The following PAK6 variants were observed in gnomAD, a reference collection of about 807,000 sequenced individuals.
PAK6 encodes the protein p21 (RAC1) activated kinase 6.
PAK6 carries 33 observed loss-of-function variants against 60.8 expected under a neutral mutation model. That is an observed-to-expected ratio of 0.54 (90% CI 0.41 to 0.73). The LOEUF (loss-of-function observed/expected upper bound fraction) is 0.73. PAK6 is among the 30% of genes least tolerant of loss of function. The pLI is 0.00. For synonymous variants in PAK6, 404 were observed against 378.5 expected (o/e 1.07, Z -0.78); for missense variants, 845 against 904.1 (o/e 0.93, Z 0.84).
At chr15:40,252,448 G>A (rs1015338196) in intron 2 of PAK6, 17 of 1,360,136 alleles carry the variant, frequency 1.2e-5, no homozygotes, top group Non-Finnish European at 1.6e-5. Flanking sequence ...GGCGCCCCTC[G>A]GGCAGAGGGG....
exon 6 of PAK6, chr15:40,272,436 C>G: frequency 6.2e-7 from 1 of 1,613,684 alleles, no homozygotes; most frequent in Non-Finnish European, 8.5e-7. Flanking sequence ...CCTGGCACGC[C>G]CAGATCAGCA....
chr15:40,271,809 G>T (rs1173760007), intron 5 of PAK6, among the ~76,000 whole-genome samples: 2 of 152,216 alleles, frequency 1.3e-5, no homozygotes, highest in Non-Finnish European at 2.9e-5. Context: ...GGGAGCCTTG[G>T]GAGTGAAGAA....
At chr15:40,265,673 G>A (rs1024718983) in intron 4 of PAK6, among the ~76,000 whole-genome samples, 169 bp from the exon 5 acceptor site, 1 of 152,202 alleles carries the variant, frequency 6.6e-6, no homozygotes, top group Non-Finnish European at 1.5e-5. Flanking sequence ...GACCCACGGT[G>A]GGCCCTGATA....
intron 2 of PAK6, among the ~76,000 whole-genome samples, chr15:40,243,092 T>C (rs1340782990): frequency 6.6e-6 from 1 of 152,216 alleles, no homozygotes; most frequent in African/African-American, 2.4e-5. Context: ...GTCCAACTCA[T>C]CGCTGAAGTT....
chr15:40,250,147 C>T (rs917003444), intron 2 of PAK6, among the ~76,000 whole-genome samples: 3 of 152,202 alleles, frequency 2.0e-5, no homozygotes, highest in African/African-American at 7.2e-5. Flanking sequence ...TGTTGTTCTG[C>T]CCTTTCCTCC....
chr15:40,274,032 C>T (rs2039382463), intron 9 of PAK6, 110 bp from the exon 10 acceptor site: 2 of 1,321,856 alleles, frequency 1.5e-6, no homozygotes, highest in Non-Finnish European at 2.1e-6. Flanking sequence ...GACAGACCCA[C>T]CAAGGAGAGC....
intron 3 of PAK6, among the ~76,000 whole-genome samples, chr15:40,257,956 T>C (rs866000857): frequency 6.6e-6 from 1 of 152,212 alleles, no homozygotes; most frequent in Admixed American, 6.5e-5. Context: ...GTCGCCTGGC[T>C]TCAGGCTGAG....
intron 3 of PAK6, chr15:40,259,771 A>G: frequency 8.7e-6 from 1 of 114,448 alleles, no homozygotes; most frequent in Admixed American, 1.2e-4. Context: ...TGGGCAACAG[A>G]GTGAAACGCT....
intron 2 of PAK6, chr15:40,245,738 G>C (rs1307114045): frequency 6.6e-6 from 1 of 152,342 alleles, no homozygotes; most frequent in Non-Finnish European, 1.5e-5. Flanking sequence ...GGGTCCTGAG[G>C]CCACACAGCT....
At position 40,272,727 on chromosome 15, in the gene PAK6, A is replaced by G; in HGVS notation, c.1356+6A>G. 1.3e-6 allele frequency: 2 copies of G among 1,583,400 alleles called. No individual in the cohort carries two copies. Among genetic ancestry groups the G allele is most frequent in the Non-Finnish European group, 1.7e-6 (2 of 1,165,854 alleles). ...GGGAGCTGCTCTTCAACGAGGTGGGAGGACAGGGTGGGACACAGACGGGGG... is the reference window on the plus strand; with the variant it reads ...GGGAGCTGCTCTTCAACGAGGTGGGGGGACAGGGTGGGACACAGACGGGGG... On this transcript the variant is annotated splice_donor_region_variant and intron_variant, in intron 6 of 10. Coordinates refer to ENST00000560346, the Ensembl canonical transcript of PAK6.
chr15:40,269,322 G>C (rs1436639325), intron 5 of PAK6, among the ~76,000 whole-genome samples: 2 of 152,122 alleles, frequency 1.3e-5, no homozygotes, highest in South Asian at 2.1e-4. Context: ...TGCCAGGCCG[G>C]CTTTATTATT....
At chr15:40,248,733 G>A (rs77390121) in intron 2 of PAK6, among the ~76,000 whole-genome samples, 18 of 151,710 alleles carry the variant, frequency 1.2e-4, no homozygotes, top group East Asian at 3.9e-4. Flanking sequence ...CCTCCTACCC[G>A]CACCCCAGCC....
intron 3 of PAK6, among the ~76,000 whole-genome samples, chr15:40,254,218 C>G (rs1350014198): frequency 6.6e-6 from 1 of 152,186 alleles, no homozygotes; most frequent in Non-Finnish European, 1.5e-5. Flanking sequence ...GAATGCCTTC[C>G]TCCTCATTAG....
intron 2 of PAK6, chr15:40,247,181 A>C (rs2038518662): frequency 6.6e-6 from 1 of 152,252 alleles, no homozygotes; most frequent in Admixed American, 6.5e-5. Context: ...AACTCAGAAG[A>C]GAGAAGACAA....
At chr15:40,269,462 T>C (rs1429453485) in intron 5 of PAK6, among the ~76,000 whole-genome samples, 2 of 152,264 alleles carry the variant, frequency 1.3e-5, no homozygotes, top group African/African-American at 4.8e-5. Flanking sequence ...ATGACTCTTC[T>C]AGTGGCTTTC....
At chr15:40,247,972 G>A (rs556691452) in intron 2 of PAK6, among the ~76,000 whole-genome samples, 6 of 152,276 alleles carry the variant, frequency 3.9e-5, no homozygotes, top group African/African-American at 9.6e-5. Flanking sequence ...CTTTCACCCC[G>A]TTTGGGGGTG....
chr15:40,272,376 G>A (rs775050926), exon 6 of PAK6: 23 of 1,613,464 alleles, frequency 1.4e-5, no homozygotes, highest in Admixed American at 5.0e-5. Context: ...GCACAGCCCC[G>A]GCCACAGGCC....
exon 4 of PAK6, chr15:40,264,839 C>A (rs781765489): frequency 6.2e-7 from 1 of 1,614,036 alleles, no homozygotes; most frequent in East Asian, 2.2e-5. Context: ...CACAGAACTT[C>A]CAGCACCGTG....
At chr15:40,260,543 G>A (rs752210284) in intron 3 of PAK6, among the ~76,000 whole-genome samples, 47 of 151,998 alleles carry the variant, frequency 3.1e-4, no homozygotes, top group South Asian at 6.2e-4. Flanking sequence ...ATTAATTATT[G>A]TAGCTTTCTA....
Sources: gnomAD v4.1 joint callset for allele counts (sites outside exome capture counted in the v4.1 genomes callset) on GRCh38, gnomAD v4.1.1 for gene constraint, MANE v1.5 for transcripts, NCBI Gene and HGNC (gene_info 2026-07-23, HGNC 2026-07-21) for gene names.